POU2F1: variants seen among roughly 807,000 people sequenced by gnomAD.
The protein encoded by POU2F1 is POU domain, class 2, transcription factor 1.
Under a neutral mutation model 84.9 loss-of-function variants are expected in POU2F1, and 16 were observed. That is an observed-to-expected ratio of 0.19 (90% CI 0.13 to 0.29). The LOEUF is 0.29. Ranked by LOEUF, POU2F1 falls within the 10% of genes least tolerant of loss-of-function variation. The pLI, the probability that POU2F1 is intolerant of heterozygous loss-of-function variation, is 1.00. For missense variants in POU2F1, 738 were observed against 942.6 expected (o/e 0.78, Z 2.84); for synonymous variants, 368 against 368.3 (o/e 1.00, Z 0.01).
chr1:167,414,911 G>C (rs374015545), intron 15 of POU2F1, among the ~76,000 whole-genome samples: 9 of 152,186 alleles, frequency 5.9e-5, no homozygotes, highest in African/African-American at 1.4e-4. Flanking sequence ...AACCTTTTTG[G>C]CACCAGGGAC....
chr1:167,316,858 T>A (rs1655938537), intron 1 of POU2F1, among the ~76,000 whole-genome samples: 2 of 152,208 alleles, frequency 1.3e-5, no homozygotes, highest in Non-Finnish European at 2.9e-5. Flanking sequence ...AGAGAAGAAC[T>A]CACATTTTAT....
At chr1:167,292,623 A>G (rs1443387821) in intron 1 of POU2F1, among the ~76,000 whole-genome samples, 1 of 151,992 alleles carries the variant, frequency 6.6e-6, no homozygotes, top group Non-Finnish European at 1.5e-5. Context: ...CATTCTATGA[A>G]GCCAGTATCA....
In POU2F1 at chr1:167,422,887, T is replaced by C. The variant is rs1161739481; in HGVS notation, c.*7077T>C. ...TCCCCTTTTCCCAGTCCCCTGCTTTTTGAAGGAAGTCTTCTTGGTTATCCT... is the reference window on the plus strand; with the variant it reads ...TCCCCTTTTCCCAGTCCCCTGCTTTCTGAAGGAAGTCTTCTTGGTTATCCT... On this transcript the variant is annotated 3_prime_UTR_variant, in exon 16 of 16. Coordinates refer to ENST00000367866, the MANE Select transcript of POU2F1 (RefSeq NM_002697.4). 2 of 152,264 alleles carry C rather than the reference T, an allele frequency of 1.3e-5. No homozygotes were observed. Among genetic ancestry groups the C allele is most frequent in the Non-Finnish European group, 2.9e-5 (2 of 68,054 alleles). The allele number at this position is 152,264 out of a possible 1,614,324, so 9.4% of individuals were successfully genotyped here.
At chr1:167,311,325 A>T (rs114732318) in intron 1 of POU2F1, among the ~76,000 whole-genome samples, 1 of 152,192 alleles carries the variant, frequency 6.6e-6, no homozygotes, top group Non-Finnish European at 1.5e-5. Flanking sequence ...AGGCCAAGGC[A>T]TATTTTTCAG....
chr1:167,221,137 C>G (rs1404451427), intron 1 of POU2F1, among the ~76,000 whole-genome samples, 179 bp downstream of exon 1: 1 of 150,824 alleles, frequency 6.6e-6, no homozygotes, highest in Non-Finnish European at 1.5e-5. Context: ...GAAAGAGGCT[C>G]GGAGCGGCCA....
chr1:167,269,964 C>CT (rs1483209894), intron 1 of POU2F1, among the ~76,000 whole-genome samples: 21 of 147,984 alleles, frequency 1.4e-4, no homozygotes, highest in Middle Eastern at 7.0e-3. Flanking sequence ...CGTATGTTTT[C>CT]TTTTTTTTCT....
At chr1:167,329,116 CT>C in intron 1 of POU2F1, 1 of 1,330,544 alleles carries the variant, frequency 7.5e-7, no homozygotes, top group South Asian at 1.7e-5. Flanking sequence ...TTGTATTTTG[CT>C]TTTCCCCTTA....
At chr1:167,283,087 AT>A (rs1483582024) in intron 1 of POU2F1, among the ~76,000 whole-genome samples, 1 of 152,208 alleles carries the variant, frequency 6.6e-6, no homozygotes, top group Non-Finnish European at 1.5e-5. Context: ...AGGACAGATT[AT>A]TTGATATTGA....
At chr1:167,332,680 G>A in intron 2 of POU2F1, 145 bp downstream of exon 2, 1 of 592,514 alleles carries the variant, frequency 1.7e-6, no homozygotes, top group South Asian at 2.6e-5. Flanking sequence ...TTAGGAACTG[G>A]GAGGGATTAT....
chr1:167,262,335 T>C (rs1004235049), intron 1 of POU2F1, among the ~76,000 whole-genome samples: 2 of 152,184 alleles, frequency 1.3e-5, no homozygotes, highest in Non-Finnish European at 2.9e-5. Flanking sequence ...CTGGTGCTTC[T>C]TTCTTTTAGT....
chr1:167,371,817 T>G, intron 4 of POU2F1, 100 bp from the exon 5 acceptor site: 1 of 1,511,340 alleles, frequency 6.6e-7, no homozygotes, highest in Non-Finnish European at 9.2e-7. Flanking sequence ...CATGACTGAA[T>G]AAGCTCATGT....
At chr1:167,233,631 G>C (rs1289925322) in intron 1 of POU2F1, among the ~76,000 whole-genome samples, 1 of 152,150 alleles carries the variant, frequency 6.6e-6, no homozygotes, top group Non-Finnish European at 1.5e-5. Context: ...ATCATCTAAT[G>C]ACATAGCATC....
intron 3 of POU2F1, among the ~76,000 whole-genome samples, chr1:167,368,356 C>G (rs1290551431): frequency 2.6e-5 from 4 of 151,456 alleles, no homozygotes; most frequent in African/African-American, 9.7e-5. Context: ...CATTCAGAAG[C>G]CGTATCATAT....
intron 2 of POU2F1, among the ~76,000 whole-genome samples, chr1:167,353,004 T>C (rs1459009543): frequency 6.6e-6 from 1 of 152,226 alleles, no homozygotes; most frequent in African/African-American, 2.4e-5. Flanking sequence ...GAACTGTTCA[T>C]GAAGGGAAGA....
intron 1 of POU2F1, among the ~76,000 whole-genome samples, chr1:167,237,767 TA>T (rs1212774965): frequency 0.014 from 255 of 17,852 alleles, 3 homozygotes; most frequent in African/African-American, 0.04. Flanking sequence ...TATATATATA[TA>T]TATATTTTTT....
At chr1:167,280,186 TC>T (rs1332984804) in intron 1 of POU2F1, among the ~76,000 whole-genome samples, 21 of 79,084 alleles carry the variant, frequency 2.7e-4, no homozygotes, top group Non-Finnish European at 5.2e-4. Flanking sequence ...ATACTCTGTC[TC>T]GGGGAAAAAA....
chr1:167,221,088 G>A (rs1009184359), intron 1 of POU2F1, 130 bp downstream of exon 1: 7 of 882,908 alleles, frequency 7.9e-6, no homozygotes, highest in African/African-American at 5.0e-5. Context: ...ATGGGGGGCC[G>A]GGGAGCATTG....
At chr1:167,348,429 A>G (rs961618904) in intron 2 of POU2F1, among the ~76,000 whole-genome samples, 2 of 152,208 alleles carry the variant, frequency 1.3e-5, no homozygotes, top group African/African-American at 4.8e-5. Context: ...TTTCCATAGC[A>G]GCTGAACCAT....
chr1:167,240,384 A>G (rs1405935483), intron 1 of POU2F1, among the ~76,000 whole-genome samples: 1 of 152,254 alleles, frequency 6.6e-6, no homozygotes, highest in East Asian at 1.9e-4. Flanking sequence ...TTAAAATATT[A>G]GAAAAAAGAG....
Sources: gnomAD v4.1 joint callset for allele counts (sites outside exome capture counted in the v4.1 genomes callset) on GRCh38, gnomAD v4.1.1 for gene constraint, MANE v1.5 for transcripts, NCBI Gene and HGNC (gene_info 2026-07-23, HGNC 2026-07-21) for gene names.